The following SAMMSON variants were observed in gnomAD, a reference collection of about 807,000 sequenced individuals.
SAMMSON encodes long intergenic non-protein coding RNA 1212.
chr3:70,376,766 C>A (rs1703020180), intron 9 of SAMMSON, among the ~76,000 whole-genome samples: 1 of 152,150 alleles, frequency 6.6e-6, no homozygotes, highest in Non-Finnish European at 1.5e-5. Flanking sequence ...AGACCACCTA[C>A]AAATTTAGCA....
chr3:70,117,528 A>G (rs755762705), intron 4 of SAMMSON, among the ~76,000 whole-genome samples: 3 of 152,208 alleles, frequency 2.0e-5, no homozygotes, highest in Non-Finnish European at 4.4e-5. Context: ...CTTGCCTTCA[A>G]TTGATTGAAA....
intron 4 of SAMMSON, among the ~76,000 whole-genome samples, chr3:70,094,004 T>A (rs1238972832): frequency 6.6e-6 from 1 of 152,186 alleles, no homozygotes; most frequent in Non-Finnish European, 1.5e-5. Context: ...ACCAAAAACC[T>A]GACTCTGGGG....
At chr3:70,287,871 G>C (rs376353497) in intron 6 of SAMMSON, among the ~76,000 whole-genome samples, 39 of 148,208 alleles carry the variant, frequency 2.6e-4, no homozygotes, top group South Asian at 4.3e-4. Flanking sequence ...ATTCTCTGAT[G>C]GTAGTTTGTA....
chr3:70,101,729 A>G (rs998391681), intron 4 of SAMMSON, among the ~76,000 whole-genome samples: 4 of 152,196 alleles, frequency 2.6e-5, no homozygotes, highest in Admixed American at 2.6e-4. Flanking sequence ...TTGTCCCTCC[A>G]GTATCCCTGG....
At chr3:70,332,207 A>G (rs540038770) in intron 7 of SAMMSON, among the ~76,000 whole-genome samples, 5 of 152,348 alleles carry the variant, frequency 3.3e-5, no homozygotes, top group African/African-American at 1.2e-4. Context: ...AAATATGTTT[A>G]GGGACATGAG....
chr3:70,359,612 C>T (rs919750471), intron 9 of SAMMSON, among the ~76,000 whole-genome samples: 6 of 152,038 alleles, frequency 3.9e-5, no homozygotes, highest in Non-Finnish European at 7.4e-5. Context: ...TTTAAACTAT[C>T]GCGAGCCTTT....
intron 6 of SAMMSON, among the ~76,000 whole-genome samples, chr3:70,257,103 G>A (rs1223564525): frequency 6.6e-6 from 1 of 152,190 alleles, no homozygotes; most frequent in African/African-American, 2.4e-5. Context: ...TTTATATACT[G>A]TTTAAAGCCA....
chr3:70,077,291 A>C lies in SAMMSON; in HGVS notation n.507+5726A>C, dbSNP rs148142197. Among the ~76,000 whole-genome samples, 648 of 152,308 alleles carry C rather than the reference A, an allele frequency of 4.3e-3. 3 individuals are homozygous for C. The highest frequency in any genetic ancestry group is 6.5e-3 in the Non-Finnish European group (444 of 68,012). On this transcript the variant is annotated intron_variant and non_coding_transcript_variant, in intron 4 of 9. Transcript: ENST00000642114. The stretch of plus-strand genomic sequence containing the variant: ...TTTATATTCATTTTCTAATTCCAAC[A>C]AATAGGTTTGAAAGATATTTGTTAA...
At chr3:70,127,593 C>T (rs1053749522) in intron 4 of SAMMSON, 4 of 152,186 alleles carry the variant, frequency 2.6e-5, no homozygotes, top group African/African-American at 9.7e-5. Flanking sequence ...TCAGCATCTG[C>T]AAGTGGAATG....
At chr3:70,357,306 G>T (rs978867326) in intron 8 of SAMMSON, among the ~76,000 whole-genome samples, 1 of 152,108 alleles carries the variant, frequency 6.6e-6, no homozygotes, top group African/African-American at 2.4e-5. Flanking sequence ...ACTCAGGAAA[G>T]CATCTTTTTG....
intron 7 of SAMMSON, among the ~76,000 whole-genome samples, chr3:70,292,204 A>T (rs1379474484): frequency 1.3e-5 from 2 of 152,190 alleles, no homozygotes; most frequent in Admixed American, 1.3e-4. Context: ...TGAATTGGAG[A>T]TAATAATACC....
In SAMMSON at chr3:70,331,384, G is replaced by A. The variant is rs1039778134; in HGVS notation, n.740-22791G>A. On this transcript the variant is annotated intron_variant and non_coding_transcript_variant, in intron 7 of 9. Coordinates refer to ENST00000642114, the Ensembl canonical transcript of SAMMSON. Reference sequence around the variant, plus strand: ...ATTCTGGGACTCCAAAGAGAGAAATGTGTGTTTTCTGTTTCTCTCTTATCA... The same window carrying A: ...ATTCTGGGACTCCAAAGAGAGAAATATGTGTTTTCTGTTTCTCTCTTATCA... Among the ~76,000 whole-genome samples, 4 of 152,180 alleles carry A rather than the reference G, an allele frequency of 2.6e-5. No homozygotes were observed. The South Asian group carries it at 8.3e-4, about 32-fold the overall frequency.
At chr3:70,391,764 T>A (rs1701050783), downstream of SAMMSON, among the ~76,000 whole-genome samples, 1 of 152,152 alleles carries the variant, frequency 6.6e-6, no homozygotes, top group African/African-American at 2.4e-5. Context: ...AGAATGGGAA[T>A]TTAGTTATAC....
intron 4 of SAMMSON, among the ~76,000 whole-genome samples, chr3:70,086,685 C>T (rs1266642336): frequency 6.6e-6 from 1 of 152,184 alleles, no homozygotes; most frequent in African/African-American, 2.4e-5. Flanking sequence ...ATTCAGCCCC[C>T]TTAATCTGGG....
intron 7 of SAMMSON, among the ~76,000 whole-genome samples, chr3:70,309,303 A>C (rs1256434135): frequency 6.6e-6 from 1 of 152,190 alleles, no homozygotes; most frequent in Non-Finnish European, 1.5e-5. Flanking sequence ...ACTGCATACC[A>C]CTTTGTTGTA....
At chr3:70,423,281 A>C (rs1030147161) in intron 2 of SAMMSON, among the ~76,000 whole-genome samples, 14 of 152,144 alleles carry the variant, frequency 9.2e-5, no homozygotes, top group African/African-American at 3.4e-4. Flanking sequence ...GTAATTTACA[A>C]ATTTTCTAGA....
At chr3:70,063,336 C>A (rs1315218630) in intron 3 of SAMMSON, among the ~76,000 whole-genome samples, 1 of 152,078 alleles carries the variant, frequency 6.6e-6, no homozygotes, top group Non-Finnish European at 1.5e-5. Context: ...CTTTTTCCAG[C>A]CTGCTTTTCA....
At chr3:70,023,427 C>T (rs1187779318) in intron 3 of SAMMSON, among the ~76,000 whole-genome samples, 2 of 151,536 alleles carry the variant, frequency 1.3e-5, no homozygotes, top group South Asian at 2.1e-4. Context: ...CTCCAGTGCA[C>T]TCCAGCCTGG....
At chr3:70,145,187 A>G (rs1008436443) in intron 4 of SAMMSON, among the ~76,000 whole-genome samples, 3 of 152,120 alleles carry the variant, frequency 2.0e-5, no homozygotes, top group Admixed American at 6.6e-5. Flanking sequence ...TCACCTAACA[A>G]CAGAATTTCA....
Sources: allele counts gnomAD v4.1 joint callset (sites outside exome capture counted in the v4.1 genomes callset), GRCh38; gene constraint gnomAD v4.1.1; transcripts MANE v1.5; gene names NCBI Gene and HGNC (gene_info 2026-07-23, HGNC 2026-07-21).